TIMM9: variants seen among roughly 807,000 people sequenced by gnomAD.
TIMM9 encodes the protein mitochondrial import inner membrane translocase subunit Tim9.
TIMM9 carries 10 observed loss-of-function variants against 13.4 expected under a neutral mutation model. The observed-to-expected ratio is 0.75, with a 90% CI of 0.46 to 1.26. TIMM9 has a LOEUF of 1.26. TIMM9 is among the 50% of genes most tolerant of loss of function. The pLI is 0.00. For synonymous variants in TIMM9, 32 were observed against 32.1 expected, an observed-to-expected ratio of 1.00 and a Z score of 0.01; for missense variants, 87 against 100.8, an observed-to-expected ratio of 0.86 and a Z score of 0.58.
chr14:58,413,208 G>T (rs1264957117), intron 3 of TIMM9, among the ~76,000 whole-genome samples: 1 of 151,822 alleles, frequency 6.6e-6, no homozygotes, highest in Non-Finnish European at 1.5e-5. Flanking sequence ...GAAATACTTG[G>T]CCTATATTTA....
At chr14:58,418,307 A>T (rs1282329032) in intron 3 of TIMM9, among the ~76,000 whole-genome samples, 3 of 152,186 alleles carry the variant, frequency 2.0e-5, no homozygotes, top group Admixed American at 2.0e-4. Context: ...AAAAAAAGGA[A>T]GATCAATTTG....
At chr14:58,426,533 T>C (rs774755351) in intron 2 of TIMM9, among the ~76,000 whole-genome samples, 1 of 152,180 alleles carries the variant, frequency 6.6e-6, no homozygotes, top group Non-Finnish European at 1.5e-5. Flanking sequence ...TCTAGACTTC[T>C]ATGAAGGTAG....
chr14:58,420,251 A>G (rs2036548011), intron 3 of TIMM9, among the ~76,000 whole-genome samples: 1 of 152,230 alleles, frequency 6.6e-6, no homozygotes. Context: ...TTGCTTTATG[A>G]AAGAACATTG....
At chr14:58,423,940 A>G (rs1016883222) in intron 3 of TIMM9, 68 bp downstream of exon 3, 16 of 152,208 alleles carry the variant, frequency 1.1e-4, no homozygotes, top group Admixed American at 2.6e-4. Flanking sequence ...CTTGTGGCAA[A>G]CAAAATATAT....
Position 58,411,918 on chromosome 14 carries a change from G to T in TIMM9, c.28C>A (p.Gln10Lys). 1 of 1,613,766 alleles carries T rather than the reference G, an allele frequency of 6.2e-7. No individual in the cohort carries two copies. The highest frequency in any genetic ancestry group is 8.5e-7 in the Non-Finnish European group (1 of 1,179,762). Reference sequence around the variant, plus strand: ...TTAGAATACCTTACCTGTTTTATCTGATCAGATTCTGGTATTTGTGCAGCC... The same window carrying T: ...TTAGAATACCTTACCTGTTTTATCTTATCAGATTCTGGTATTTGTGCAGCC... The part of the protein sequence containing the change: MAAQIPESD[Q>K]IKQFKEFLGT... Residue 10 changes from glutamine (Q) to lysine (K), a missense_variant, in exon 4 of 6, where the codon CAG becomes AAG. Coordinates refer to ENST00000395159, the MANE Select transcript of TIMM9 (RefSeq NM_012460.4).
chr14:58,415,973 T>C (rs2036393040), intron 3 of TIMM9, among the ~76,000 whole-genome samples: 1 of 151,282 alleles, frequency 6.6e-6, no homozygotes, highest in Admixed American at 6.6e-5. Context: ...CCTAGCACTT[T>C]GGGAGGCCAA....
chr14:58,421,124 T>C (rs2036577836), intron 3 of TIMM9, among the ~76,000 whole-genome samples: 1 of 152,154 alleles, frequency 6.6e-6, no homozygotes, highest in African/African-American at 2.4e-5. Context: ...TGTTCTTCAG[T>C]GGGTGAATGG....
intron 3 of TIMM9, among the ~76,000 whole-genome samples, chr14:58,415,471 A>T (rs1176072751): frequency 1.3e-5 from 2 of 152,252 alleles, no homozygotes. Flanking sequence ...TTATGAACAC[A>T]CTTGAAACAA....
At chr14:58,412,463 A>G (rs994839273) in intron 3 of TIMM9, among the ~76,000 whole-genome samples, 5 of 152,152 alleles carry the variant, frequency 3.3e-5, no homozygotes, top group African/African-American at 1.2e-4. Context: ...TTCTAATGCT[A>G]GTTTGGGACT....
At chr14:58,410,977 TAA>T in intron 4 of TIMM9, 39 bp from the exon 5 acceptor site, 1 of 1,436,318 alleles carries the variant, frequency 7.0e-7, no homozygotes, top group Non-Finnish European at 9.6e-7. Context: ...ATTTGGTTTT[TAA>T]AACAAAGATG....
chr14:58,425,911 C>T (rs1473191745), intron 2 of TIMM9, among the ~76,000 whole-genome samples: 1 of 151,852 alleles, frequency 6.6e-6, no homozygotes, highest in Non-Finnish European at 1.5e-5. Context: ...GTCAGGAGTT[C>T]GAGACCAACC....
chr14:58,423,474 C>G (rs1416267803), intron 3 of TIMM9, among the ~76,000 whole-genome samples: 1 of 145,424 alleles, frequency 6.9e-6, no homozygotes, highest in Non-Finnish European at 1.5e-5. Context: ...GAGATTGTGC[C>G]ACTGCATTCC....
At chr14:58,411,872 T>C in intron 4 of TIMM9, 35 bp downstream of exon 4, 1 of 1,607,492 alleles carries the variant, frequency 6.2e-7, no homozygotes, top group Non-Finnish European at 8.5e-7. Flanking sequence ...TACATTTTTT[T>C]GCAAAATCTT....
In TIMM9 at chr14:58,410,844, T is replaced by C; in HGVS notation, c.134A>G (p.Glu45Gly). The stretch of plus-strand genomic sequence containing the variant: ...TTTAGTGAGTAACACTTTTCATACC[T>C]CTTCAGGTTTTACTTCTCTTGTTGT... ...DFTTREVKPE[E>G]TTCSEHCLQK... The change falls in exon 5 of 6, where the codon GAG (glutamate) becomes GGG (glycine). Residue 45 changes from glutamate to glycine, a missense_variant and splice_region_variant. Physicochemically the swap from Glu to Gly is moderately conservative, Grantham distance 98 (BLOSUM62 -2). Coordinates refer to ENST00000395159, the MANE Select transcript of TIMM9 (RefSeq NM_012460.4). The C allele has an allele frequency of 6.2e-7, 1 of 1,605,796 alleles. No individual in the cohort carries two copies. The highest frequency in any genetic ancestry group is 8.5e-7 in the Non-Finnish European group (1 of 1,176,720).
At chr14:58,412,015 T>C in intron 3 of TIMM9, 44 bp from the exon 4 acceptor site, 1 of 1,460,442 alleles carries the variant, frequency 6.8e-7, no homozygotes, top group Non-Finnish European at 9.6e-7. Flanking sequence ...TATAAACAAA[T>C]GTTTTTAGTC....
intron 2 of TIMM9, among the ~76,000 whole-genome samples, chr14:58,425,115 G>C (rs752644704): frequency 2.0e-5 from 3 of 152,006 alleles, no homozygotes; most frequent in South Asian, 2.1e-4. Context: ...GGCTGATTTA[G>C]AGTGAGAAAA....
intron 3 of TIMM9, among the ~76,000 whole-genome samples, chr14:58,412,650 C>T (rs912009289): frequency 1.3e-5 from 2 of 152,096 alleles, no homozygotes; most frequent in Non-Finnish European, 2.9e-5. Flanking sequence ...CCTGTAATCC[C>T]AGCACTTTGG....
chr14:58,408,975 AT>A lies in TIMM9; in HGVS notation c.*58del. 6.3e-7 allele frequency: 1 copy of A among 1,583,436 alleles called. No individual in the cohort carries two copies. Among genetic ancestry groups the A allele is most frequent in the South Asian group, 1.2e-5 (1 of 85,522 alleles). ...AGGGGATTCTATCAGATGAGTCCTCATTTCCAATAAAGCAGCTGTTGGCAAT... is the reference window on the plus strand; with the variant it reads ...AGGGGATTCTATCAGATGAGTCCTCATTCCAATAAAGCAGCTGTTGGCAAT... On this transcript the variant is annotated 3_prime_UTR_variant, in exon 6 of 6. Transcript: ENST00000395159.
rs1204359535 is a variant in TIMM9 at position 58,411,898 on chromosome 14, A to G, written c.39+9T>C. 4 of 1,613,636 alleles carry G rather than the reference A, an allele frequency of 2.5e-6. No homozygotes were observed. The Admixed American group carries it at 5.0e-5, about 20-fold the overall frequency. On this transcript the variant is annotated intron_variant, in intron 4 of 5. Transcript: ENST00000395159. ...GCAAAATCTTTTCCCCTTAATTAGA[A>G]TACCTTACCTGTTTTATCTGATCAG... is the stretch of plus-strand genomic sequence containing the variant.
Sources: allele counts gnomAD v4.1 joint callset (sites outside exome capture counted in the v4.1 genomes callset), GRCh38; gene constraint gnomAD v4.1.1; transcripts MANE v1.5; gene names NCBI Gene and HGNC (gene_info 2026-07-23, HGNC 2026-07-21).